The following SUN3 variants were observed in gnomAD, a reference collection of about 807,000 sequenced individuals.
SUN3 encodes SUN domain-containing protein 3.
A neutral mutation model predicts 48.2 loss-of-function variants in SUN3; 36 were observed. The observed-to-expected ratio is 0.75, with a 90% CI of 0.57 to 0.99. SUN3 has a LOEUF of 0.99. Ranked by LOEUF, SUN3 falls within the 50% of genes least tolerant of loss-of-function variation. SUN3 has a pLI of 0.00. For synonymous variants in SUN3, 148 were observed against 147.9 expected (o/e 1.00, Z 0.00); for missense variants, 419 against 433.1 (o/e 0.97, Z 0.29).
chr7:48,009,367 A>G (rs925648759), intron 3 of SUN3, among the ~76,000 whole-genome samples: 2 of 152,188 alleles, frequency 1.3e-5, no homozygotes, highest in Non-Finnish European at 2.9e-5. Flanking sequence ...AAAGGCCTGA[A>G]CACAGTCTGA....
At chr7:48,035,484 C>G in the SUN3 span, 1 of 696,518 alleles carries the variant, frequency 1.4e-6, no homozygotes, top group South Asian at 1.5e-5. This position sits in a 1 kb window ranked among gnomAD's most constrained non-coding sequence, Gnocchi z 4.0. Flanking sequence ...CGCCGGTTGG[C>G]CGTTCAGCCG....
chr7:48,033,770 T>C (rs1790282557), upstream of SUN3, among the ~76,000 whole-genome samples: 1 of 152,022 alleles, frequency 6.6e-6, no homozygotes, highest in African/African-American at 2.4e-5. Flanking sequence ...AGAATAACCT[T>C]CTTGACTAGG....
At chr7:48,030,778 G>A (rs1790244839), upstream of SUN3, among the ~76,000 whole-genome samples, 1 of 152,142 alleles carries the variant, frequency 6.6e-6, no homozygotes, top group African/African-American at 2.4e-5. Flanking sequence ...TATACCCAGA[G>A]GAGGAACTTC....
intron 2 of SUN3, among the ~76,000 whole-genome samples, chr7:48,019,977 C>CAAAAAAAAAAAAAAAAAAAAAA (rs869166401): frequency 1.6e-5 from 1 of 64,144 alleles, no homozygotes; most frequent in Non-Finnish European, 3.5e-5. Context: ...AAAGACACAT[C>CAAAAAAAAAAAAAAAAAAAAAA]AAAAAAAAAA....
the SUN3 span, among the ~76,000 whole-genome samples, chr7:48,034,673 C>T: frequency 6.6e-6 from 1 of 152,136 alleles, no homozygotes; most frequent in African/African-American, 2.4e-5. Flanking sequence ...TGTCTATTGG[C>T]CTCACCAAGC....
chr7:47,996,825 C>A (rs1227226678), intron 6 of SUN3, among the ~76,000 whole-genome samples: 3 of 133,168 alleles, frequency 2.3e-5, no homozygotes, highest in Non-Finnish European at 3.1e-5. Flanking sequence ...TTTTTTGAGA[C>A]GGTGTCTCAC....
chr7:48,011,793 C>A (rs1789689538), intron 3 of SUN3, among the ~76,000 whole-genome samples: 1 of 151,980 alleles, frequency 6.6e-6, no homozygotes, highest in Non-Finnish European at 1.5e-5. Flanking sequence ...TAGGACAAAA[C>A]AGTAAGTAAG....
intron 8 of SUN3, chr7:47,991,105 C>T (rs933097998): frequency 4.5e-5 from 20 of 449,234 alleles, no homozygotes; most frequent in East Asian, 2.1e-4. Flanking sequence ...ACCAAAAAAA[C>T]GGGGTCTGGC....
intron 8 of SUN3, among the ~76,000 whole-genome samples, chr7:47,993,005 C>A (rs983883891): frequency 1.3e-4 from 20 of 151,724 alleles, no homozygotes; most frequent in Non-Finnish European, 2.5e-4. Context: ...ATTTAAAAAA[C>A]AATCCCACGA....
chr7:48,005,861 A>C, intron 6 of SUN3, 108 bp downstream of exon 6: 5 of 509,778 alleles, frequency 9.8e-6, no homozygotes, highest in Admixed American at 3.9e-5. Context: ...CCCCCCCCCA[A>C]GTTACCAGAT....
At chr7:48,012,646 G>T (rs111246594) in intron 3 of SUN3, among the ~76,000 whole-genome samples, 83 of 152,292 alleles carry the variant, frequency 5.5e-4, no homozygotes, top group African/African-American at 1.9e-3. Context: ...GCTTAATATA[G>T]CTTTAAGATA....
At chr7:48,021,858 T>A (rs1472718402) in intron 2 of SUN3, among the ~76,000 whole-genome samples, 1 of 152,084 alleles carries the variant, frequency 6.6e-6, no homozygotes, top group African/African-American at 2.4e-5. Context: ...GCAGGATAGT[T>A]TGGAGAATCT....
intron 3 of SUN3, 28 bp from the exon 4 acceptor site, chr7:48,009,103 T>C (rs1789611695): frequency 6.3e-7 from 1 of 1,598,442 alleles, no homozygotes; most frequent in South Asian, 1.1e-5. Flanking sequence ...AGATAAATCA[T>C]TCTGAATTCT....
chr7:48,003,355 C>T (rs564261186), intron 6 of SUN3, among the ~76,000 whole-genome samples: 263 of 152,222 alleles, frequency 1.7e-3, no homozygotes, highest in African/African-American at 6.1e-3. Flanking sequence ...TAACATGATG[C>T]CTCCAGCTTT....
chr7:48,004,135 A>T (rs1789461368), intron 6 of SUN3, among the ~76,000 whole-genome samples: 2 of 152,216 alleles, frequency 1.3e-5, no homozygotes, highest in African/African-American at 2.4e-5. Flanking sequence ...CTCATAAAGC[A>T]TAATTATGCT....
At chr7:47,998,480 CAAATATTCTCCCCTAGCCTGT>C (rs1789271510) in intron 6 of SUN3, among the ~76,000 whole-genome samples, 1 of 152,116 alleles carries the variant, frequency 6.6e-6, no homozygotes, top group Non-Finnish European at 1.5e-5. Flanking sequence ...GTGTGGTTTC[CAAATATTCTCCCCTAGCCTGT>C]AACTTGTCTT....
At chr7:48,035,755 C>G in the SUN3 span, 3 of 582,318 alleles carry the variant, frequency 5.2e-6, no homozygotes, top group Non-Finnish European at 6.1e-6. This position sits in a 1 kb window ranked among gnomAD's most constrained non-coding sequence, Gnocchi z 4.0. Context: ...ACCTTGTCGC[C>G]GGGTTGGGAT....
intron 6 of SUN3, among the ~76,000 whole-genome samples, chr7:48,001,357 G>A (rs1177754509): frequency 6.6e-6 from 1 of 152,010 alleles, no homozygotes; most frequent in Non-Finnish European, 1.5e-5. Flanking sequence ...CTATTCCTGT[G>A]TTAGTTTGCT....
In SUN3 at chr7:48,007,170, T is replaced by G; in HGVS notation, c.487A>C (p.Thr163Pro). 6.2e-7 allele frequency: 1 copy of G among 1,612,510 alleles called. No individual in the cohort carries two copies. The highest frequency in any genetic ancestry group is 1.3e-5 in the African/African-American group (1 of 74,872). Residue 163 changes from threonine (T) to proline (P), a missense_variant, in exon 5 of 10, where the codon ACA becomes CCA. Physicochemically the swap from Thr to Pro is conservative, Grantham distance 38. Transcript: ENST00000297325. ...CGCCTAGCCTCATCCAGGACCTCTG[T>G]GTGGTCCGGGTCCTCCACAGGGTCT... ...HGDPVEDPDH[T>P]EEVSNLVNYV... is the part of the protein sequence containing the mutation.
Sources: allele counts gnomAD v4.1 joint callset (sites outside exome capture counted in the v4.1 genomes callset), GRCh38; gene constraint gnomAD v4.1.1; non-coding constraint Gnocchi (gnomAD v3.1); transcripts MANE v1.5; gene names NCBI Gene and HGNC (gene_info 2026-07-23, HGNC 2026-07-21).